FGF12: variants seen among roughly 807,000 people sequenced by gnomAD.
FGF12 encodes the protein fibroblast growth factor 12.
Under a neutral mutation model 23.6 loss-of-function variants are expected in FGF12, and 14 were observed. That is an observed-to-expected ratio of 0.59 (90% CI 0.39 to 0.93). FGF12 has a LOEUF of 0.93. Ranked by LOEUF, FGF12 falls within the 40% of genes least tolerant of loss-of-function variation. The probability of loss-of-function intolerance (pLI) is 0.00; values close to 1 mark genes in which losing one functional copy is unlikely to be tolerated. For synonymous variants in FGF12, 62 were observed against 77.3 expected (o/e 0.80, Z 1.04); for missense variants, 175 against 217.8 (o/e 0.80, Z 1.24).
intron 2 of FGF12, among the ~76,000 whole-genome samples, chr3:192,659,773 A>T (rs918413768): frequency 2.0e-5 from 3 of 152,146 alleles, no homozygotes; most frequent in Admixed American, 6.5e-5. Flanking sequence ...ACAGTGTAAA[A>T]GTGTTCCTAT....
intron 2 of FGF12, among the ~76,000 whole-genome samples, chr3:192,389,601 C>T (rs1720208574): frequency 6.6e-6 from 1 of 152,154 alleles, no homozygotes; most frequent in African/African-American, 2.4e-5. Flanking sequence ...TAGATCAACT[C>T]AACTTTATTT....
At position 192,409,889 on chromosome 3, in the gene FGF12, C is replaced by A. The variant is rs1347856859; in HGVS notation, c.14-49351G>T. 2.6e-5 allele frequency among the ~76,000 whole-genome samples: 4 copies of A among 151,908 alleles called. No homozygotes were observed. Among genetic ancestry groups the A allele is most frequent in the African/African-American group, 9.6e-5 (4 of 41,506 alleles). ...GCGGGTGGCCGCTCAGAGCCGCGGG[C>A]TTGCGGGGCGCCCCCCGCCGCCGCG... On this transcript the variant is annotated intron_variant, in intron 2 of 5. Coordinates refer to ENST00000445105, the MANE Select transcript of FGF12 (RefSeq NM_004113.6). The surrounding 1 kb of genome is among the most constrained non-coding windows in gnomAD (Gnocchi z 4.8).
intron 4 of FGF12, among the ~76,000 whole-genome samples, chr3:192,321,161 C>T (rs912747454): frequency 2.0e-5 from 3 of 151,948 alleles, no homozygotes; most frequent in Non-Finnish European, 4.4e-5. Context: ...CAAAGGATCA[C>T]CAGTGGCTAC....
chr3:192,594,247 C>T (rs544468908), intron 2 of FGF12, among the ~76,000 whole-genome samples: 4 of 151,962 alleles, frequency 2.6e-5, no homozygotes, highest in South Asian at 2.1e-4. Flanking sequence ...AGAGTCCACA[C>T]ATTCACTCAA....
chr3:192,384,421 A>G (rs531260536), intron 2 of FGF12, among the ~76,000 whole-genome samples: 2 of 152,330 alleles, frequency 1.3e-5, no homozygotes, highest in African/African-American at 4.8e-5. Flanking sequence ...TATCTTCCCT[A>G]CGAAGGTGAG....
intron 4 of FGF12, among the ~76,000 whole-genome samples, chr3:192,272,729 G>A (rs1713526027): frequency 6.6e-6 from 1 of 152,166 alleles, no homozygotes; most frequent in Non-Finnish European, 1.5e-5. Context: ...CATTGAAAGA[G>A]AGGGAGCTCT....
chr3:192,493,745 T>G (rs1040069704), intron 2 of FGF12, among the ~76,000 whole-genome samples: 4 of 152,066 alleles, frequency 2.6e-5, no homozygotes, highest in Admixed American at 6.6e-5. Context: ...CACTTTTAAA[T>G]AACCAGATCT....
intron 2 of FGF12, among the ~76,000 whole-genome samples, chr3:192,558,930 C>T (rs1057467165): frequency 2.0e-5 from 3 of 151,826 alleles, no homozygotes; most frequent in African/African-American, 4.8e-5. Flanking sequence ...CATTATATTA[C>T]ACCATAAACA....
At chr3:192,307,538 G>C (rs903604188) in intron 4 of FGF12, among the ~76,000 whole-genome samples, 3 of 152,184 alleles carry the variant, frequency 2.0e-5, no homozygotes, top group Non-Finnish European at 4.4e-5. Flanking sequence ...AGCAGAGACA[G>C]AACTGGCATA....
chr3:192,679,625 GC>G (rs1044545076), intron 2 of FGF12, among the ~76,000 whole-genome samples: 1 of 147,786 alleles, frequency 6.8e-6, no homozygotes, highest in African/African-American at 2.6e-5. Context: ...CCCCACCCCA[GC>G]CTGCCAACCA....
chr3:192,503,345 A>T (rs1156807840), intron 2 of FGF12, among the ~76,000 whole-genome samples: 2 of 152,132 alleles, frequency 1.3e-5, no homozygotes, highest in Non-Finnish European at 2.9e-5. Context: ...TAATCTACCA[A>T]CATAAGAGAG....
chr3:192,666,282 T>A (rs1319960075), intron 2 of FGF12, among the ~76,000 whole-genome samples: 2 of 152,252 alleles, frequency 1.3e-5, no homozygotes, highest in Non-Finnish European at 2.9e-5. Context: ...ATTTTCAGTC[T>A]ATGAACTTTC....
At chr3:192,231,215 A>G (rs982772697) in intron 4 of FGF12, among the ~76,000 whole-genome samples, 1 of 152,152 alleles carries the variant, frequency 6.6e-6, no homozygotes, top group African/African-American at 2.4e-5. Flanking sequence ...TGCAGGTTTC[A>G]GTCATGCTGA....
chr3:192,443,302 T>A (rs1435542358), intron 2 of FGF12, among the ~76,000 whole-genome samples: 1 of 152,216 alleles, frequency 6.6e-6, no homozygotes, highest in Non-Finnish European at 1.5e-5. Flanking sequence ...TTTGTACAAT[T>A]GTGTCACTGT....
At chr3:192,616,324 C>G (rs766794644) in intron 2 of FGF12, among the ~76,000 whole-genome samples, 5 of 152,032 alleles carry the variant, frequency 3.3e-5, no homozygotes, top group Non-Finnish European at 7.4e-5. Context: ...GATCTACAAT[C>G]TGAGAAATGG....
At chr3:192,628,686 T>C (rs115557484) in intron 2 of FGF12, among the ~76,000 whole-genome samples, 14,756 of 149,544 alleles carry the variant, frequency 0.099, 915 homozygotes, top group Non-Finnish European at 0.15. Context: ...AAAGTATATA[T>C]ACATTTATGT....
chr3:192,397,555 C>T (rs1720576849), intron 2 of FGF12, among the ~76,000 whole-genome samples: 1 of 152,210 alleles, frequency 6.6e-6, no homozygotes, highest in Non-Finnish European at 1.5e-5. Context: ...ACATACATGA[C>T]TCGCTCCTCA....
At chr3:192,251,848 T>G (rs1474028556) in intron 4 of FGF12, among the ~76,000 whole-genome samples, 1 of 152,086 alleles carries the variant, frequency 6.6e-6, no homozygotes, top group African/African-American at 2.4e-5. Flanking sequence ...GCTTTGTCTG[T>G]GAAGGGGCAT....
intron 2 of FGF12, among the ~76,000 whole-genome samples, chr3:192,678,554 T>A (rs1410481445): frequency 6.6e-6 from 1 of 152,218 alleles, no homozygotes; most frequent in Admixed American, 6.5e-5. Context: ...ACTTTCTCAG[T>A]TTCTCATCGA....
Sources: gnomAD v4.1 joint callset for allele counts (sites outside exome capture counted in the v4.1 genomes callset) on GRCh38, gnomAD v4.1.1 for gene constraint, Gnocchi (gnomAD v3.1) non-coding constraint, MANE v1.5 for transcripts, NCBI Gene and HGNC (gene_info 2026-07-23, HGNC 2026-07-21) for gene names.